Variants in CPQ observed in about 807,000 individuals in gnomAD.
CPQ encodes the protein carboxypeptidase Q, also known as Ser-Met dipeptidase.
Under a neutral mutation model 45.7 loss-of-function variants are expected in CPQ, and 37 were observed. The observed-to-expected ratio is 0.81, with a 90% CI of 0.62 to 1.07. The LOEUF is 1.07. Ranked by LOEUF, CPQ falls within the 50% of genes least tolerant of loss-of-function variation. CPQ has a pLI of 0.00. For synonymous variants in CPQ, 186 were observed against 205.8 expected, an observed-to-expected ratio of 0.90 and a Z score of 0.82; for missense variants, 537 against 572.9, an observed-to-expected ratio of 0.94 and a Z score of 0.64.
chr8:97,036,221 C>A (rs550595541), intron 6 of CPQ, among the ~76,000 whole-genome samples: 21 of 152,228 alleles, frequency 1.4e-4, no homozygotes, highest in African/African-American at 3.9e-4. Context: ...TGAAACTCAA[C>A]TGGAGCCCAA....
At chr8:96,952,227 C>T (rs1425886517) in intron 4 of CPQ, among the ~76,000 whole-genome samples, 1 of 152,100 alleles carries the variant, frequency 6.6e-6, no homozygotes, top group Admixed American at 6.6e-5. Flanking sequence ...GTGAAGCATA[C>T]AGAGGGATAT....
In CPQ at chr8:96,784,908, T is replaced by G; in HGVS notation, c.11T>G (p.Leu4Arg). 3 of 1,596,570 alleles carry G rather than the reference T, an allele frequency of 1.9e-6. No homozygotes were observed. The highest frequency in any genetic ancestry group is 2.6e-6 in the Non-Finnish European group (3 of 1,172,964). Residue 4 changes from leucine to arginine, a missense_variant, in exon 2 of 8, where the codon CTT becomes CGT. Coordinates refer to ENST00000220763, the MANE Select transcript of CPQ (RefSeq NM_016134.4). ...CAACTGGAAAAAAAAATGAAATTCC[T>G]TATCTTCGCATTTTTCGGTGGTGTT... MKFLIFAFFGGVHL... is the reference protein window; with the variant it reads MKFRIFAFFGGVHL...
At chr8:96,684,127 C>G (rs903794405) in intron 1 of CPQ, among the ~76,000 whole-genome samples, 2 of 151,902 alleles carry the variant, frequency 1.3e-5, no homozygotes, top group African/African-American at 4.8e-5. Context: ...TTTTTTGTAT[C>G]CTTACATTGA....
At chr8:96,877,210 A>G (rs1156341952) in intron 3 of CPQ, among the ~76,000 whole-genome samples, 3 of 152,212 alleles carry the variant, frequency 2.0e-5, no homozygotes, top group Non-Finnish European at 4.4e-5. Flanking sequence ...CTATAAAACA[A>G]TGATAGATGC....
rs141131776 is a variant in CPQ at position 96,753,730 on chromosome 8, AATT to A, written c.-34-31131_-34-31129del. On this transcript the variant is annotated intron_variant, in intron 1 of 7. Coordinates refer to ENST00000220763, the MANE Select transcript of CPQ (RefSeq NM_016134.4). ...AAAAGCAATCATACCTTCTGCAAAT[AATT>A]ATAACTTCTATTCTCTTTTGAAATA... Among the ~76,000 whole-genome samples, 53 of 152,118 alleles carry A rather than the reference AATT, an allele frequency of 3.5e-4. No homozygotes were observed. The East Asian group carries it at 7.3e-3, about 21-fold the overall frequency.
At chr8:96,767,936 G>GC (rs762235504) in intron 1 of CPQ, among the ~76,000 whole-genome samples, 16 of 151,972 alleles carry the variant, frequency 1.1e-4, no homozygotes, top group Admixed American at 3.3e-4. Context: ...GAGCCACCGT[G>GC]CCCGGCCCCA....
intron 1 of CPQ, among the ~76,000 whole-genome samples, chr8:96,679,764 C>CT (rs545204090): frequency 0.023 from 3,305 of 143,098 alleles, 119 homozygotes; most frequent in African/African-American, 0.074. Flanking sequence ...GCAATGTCTC[C>CT]TTTTTTTTTT....
intron 3 of CPQ, among the ~76,000 whole-genome samples, chr8:96,866,562 A>C (rs1353568389): frequency 6.6e-6 from 1 of 152,088 alleles, no homozygotes; most frequent in Non-Finnish European, 1.5e-5. Flanking sequence ...ATAGGTGTTA[A>C]TTTCTCACAA....
chr8:96,704,489 G>A (rs1809507726), intron 1 of CPQ, among the ~76,000 whole-genome samples: 1 of 152,176 alleles, frequency 6.6e-6, no homozygotes. Flanking sequence ...TATGGATTGA[G>A]TTGAACTTTG....
At chr8:96,703,495 T>A (rs1002276565) in intron 1 of CPQ, among the ~76,000 whole-genome samples, 1 of 152,178 alleles carries the variant, frequency 6.6e-6, no homozygotes, top group African/African-American at 2.4e-5. Context: ...GTACTTTACA[T>A]TTTAAGAAAT....
In CPQ at chr8:96,793,080, GGT is replaced by G. The variant is rs1282022537; in HGVS notation, c.433+7752_433+7753del. Among the ~76,000 whole-genome samples, 3 of 152,028 alleles carry G rather than the reference GGT, an allele frequency of 2.0e-5. No homozygotes were observed. The South Asian group carries it at 6.2e-4, about 32-fold the overall frequency. ...CCACTGAGTCCCTCAATAAGATTTGGGTGGGACACAGCCAAGCCATATACATA... is the reference window on the plus strand; with the variant it reads ...CCACTGAGTCCCTCAATAAGATTTGGGGGACACAGCCAAGCCATATACATA... On this transcript the variant is annotated intron_variant, in intron 2 of 7. Coordinates refer to ENST00000220763, the MANE Select transcript of CPQ (RefSeq NM_016134.4).
At chr8:96,706,177 TCTA>T (rs1237668152) in intron 1 of CPQ, among the ~76,000 whole-genome samples, 1 of 152,192 alleles carries the variant, frequency 6.6e-6, no homozygotes, top group Non-Finnish European at 1.5e-5. Flanking sequence ...TTTTCTTTTT[TCTA>T]GACTACTTGA....
intron 1 of CPQ, among the ~76,000 whole-genome samples, chr8:96,782,291 G>A (rs979749997): frequency 1.1e-4 from 17 of 152,168 alleles, no homozygotes; most frequent in Non-Finnish European, 1.9e-4. Flanking sequence ...AATTGGCACC[G>A]TGTGGATACC....
intron 1 of CPQ, among the ~76,000 whole-genome samples, chr8:96,765,577 C>T (rs118183250): frequency 0.024 from 3,667 of 152,058 alleles, 73 homozygotes; most frequent in Non-Finnish European, 0.039. Context: ...GCTAATACCA[C>T]GATGCTGTAA....
intron 1 of CPQ, among the ~76,000 whole-genome samples, chr8:96,717,029 ATATATATATATATATATATATATATATAT>A (rs1809685821): frequency 3.1e-4 from 4 of 12,804 alleles, no homozygotes; most frequent in African/African-American, 5.0e-4. Flanking sequence ...ATATAAATAT[ATATATATATATATATATATATATATATAT>A]ATATATATAT....
chr8:96,715,187 C>T (rs1311812924), intron 1 of CPQ, among the ~76,000 whole-genome samples: 1 of 152,104 alleles, frequency 6.6e-6, no homozygotes, highest in Non-Finnish European at 1.5e-5. Flanking sequence ...AAATGCAATA[C>T]CCAGTGGTGG....
intron 7 of CPQ, among the ~76,000 whole-genome samples, chr8:97,131,420 T>C (rs1811952771): frequency 6.6e-6 from 1 of 152,254 alleles, no homozygotes; most frequent in African/African-American, 2.4e-5. Context: ...ATATTATTCA[T>C]TAGCATTTAA....
intron 4 of CPQ, among the ~76,000 whole-genome samples, chr8:96,946,535 G>A (rs1813191445): frequency 6.6e-6 from 1 of 151,834 alleles, no homozygotes; most frequent in South Asian, 2.1e-4. Context: ...GTGCCATGCT[G>A]GTGCGCTGCA....
rs141953797 is a variant in CPQ at position 97,015,069 on chromosome 8, A to T, written c.962-14334A>T. Reference sequence around the variant, plus strand: ...ACACAGCTTGATCTTCACAAAAAATAAAATTTAAAAAACCATTTTGGTAAA... The same window carrying T: ...ACACAGCTTGATCTTCACAAAAAATTAAATTTAAAAAACCATTTTGGTAAA... On this transcript the variant is annotated intron_variant, in intron 5 of 7. Transcript: ENST00000220763. Among the ~76,000 whole-genome samples, 12 of 152,340 alleles carry T rather than the reference A, an allele frequency of 7.9e-5. No homozygotes were observed. The East Asian group carries it at 2.3e-3, about 29-fold the overall frequency.
Sources: gnomAD v4.1 joint callset for allele counts (sites outside exome capture counted in the v4.1 genomes callset) on GRCh38, gnomAD v4.1.1 for gene constraint, MANE v1.5 for transcripts, NCBI Gene and HGNC (gene_info 2026-07-23, HGNC 2026-07-21) for gene names.